PCDHGA12: variants seen among roughly 807,000 people sequenced by gnomAD.
The protein encoded by PCDHGA12 is protocadherin gamma-A12.
Under a neutral mutation model 61.1 loss-of-function variants are expected in PCDHGA12, and 43 were observed. That is an observed-to-expected ratio of 0.70 (90% CI 0.55 to 0.91). PCDHGA12 has a LOEUF of 0.91. Ranked by LOEUF, PCDHGA12 falls within the 40% of genes least tolerant of loss-of-function variation. PCDHGA12 has a pLI of 0.00. For synonymous variants in PCDHGA12, 520 were observed against 542.9 expected, an observed-to-expected ratio of 0.96 and a Z score of 0.59; for missense variants, 1,236 against 1,227.7, an observed-to-expected ratio of 1.01 and a Z score of -0.10.
Position 141,476,610 on chromosome 5 carries a change from G to A in PCDHGA12, c.2425-18197G>A, listed in dbSNP as rs769858609. ...GAGAGCGCGCACGATCCCGATGTGGGAAGCAACTCTTTACAAACCTATGAG... is the reference window on the plus strand; with the variant it reads ...GAGAGCGCGCACGATCCCGATGTGGAAAGCAACTCTTTACAAACCTATGAG... On this transcript the variant is annotated intron_variant, in intron 1 of 3. Coordinates refer to ENST00000252085, the MANE Select transcript of PCDHGA12 (RefSeq NM_003735.3). The surrounding 1 kb of genome is among the most constrained non-coding windows in gnomAD (Gnocchi z 7.6). The A allele has an allele frequency of 1.2e-6, 2 of 1,614,262 alleles. No homozygotes were observed. The highest frequency in any genetic ancestry group is 3.3e-5 in the Admixed American group (2 of 60,036).
At chr5:141,510,862 C>T (rs764422869) in intron 3 of PCDHGA12, 85 bp from the exon 4 acceptor site, 22 of 1,606,772 alleles carry the variant, frequency 1.4e-5, no homozygotes, top group Non-Finnish European at 1.7e-5. Flanking sequence ...GCTGTATAGG[C>T]ATTCATTAAC....
intron 1 of PCDHGA12, among the ~76,000 whole-genome samples, chr5:141,458,065 G>A (rs55848374): frequency 0.098 from 14,910 of 152,232 alleles, 965 homozygotes; most frequent in Non-Finnish European, 0.14. Flanking sequence ...GCACTGATGC[G>A]AACAACTATA....
At chr5:141,494,999 G>T in intron 2 of PCDHGA12, 134 bp downstream of exon 2, 1 of 1,531,046 alleles carries the variant, frequency 6.5e-7, no homozygotes, top group Non-Finnish European at 8.8e-7. Context: ...GGGAGGTCTT[G>T]GTGTGCGGGG....
At chr5:141,494,680 C>A in intron 1 of PCDHGA12, 127 bp from the exon 2 acceptor site, 1 of 1,560,094 alleles carries the variant, frequency 6.4e-7, no homozygotes, top group Non-Finnish European at 8.7e-7. Flanking sequence ...CCACCCCTGC[C>A]CCCTCTTAGT....
chr5:141,474,772 G>A (rs1053853138), intron 1 of PCDHGA12, among the ~76,000 whole-genome samples: 2 of 152,182 alleles, frequency 1.3e-5, no homozygotes, highest in Non-Finnish European at 2.9e-5. Flanking sequence ...AATAGTATGA[G>A]GCTCTAACAC....
chr5:141,482,890 G>C (rs577635020), intron 1 of PCDHGA12, among the ~76,000 whole-genome samples: 10 of 152,274 alleles, frequency 6.6e-5, no homozygotes, highest in African/African-American at 2.4e-4. Flanking sequence ...TGGCCAACAT[G>C]GTGAAACCTC....
intron 1 of PCDHGA12, among the ~76,000 whole-genome samples, chr5:141,442,910 C>G (rs1419319938): frequency 6.6e-6 from 1 of 152,196 alleles, no homozygotes; most frequent in African/African-American, 2.4e-5. Flanking sequence ...TCCTTCAGCA[C>G]ACAACTGTTT....
chr5:141,444,594 T>C (rs2098442338), intron 1 of PCDHGA12, among the ~76,000 whole-genome samples: 1 of 152,244 alleles, frequency 6.6e-6, no homozygotes, highest in South Asian at 2.1e-4. Flanking sequence ...ACTTACCTTA[T>C]TTAAAATTGA....
At chr5:141,470,037 G>C (rs76537989) in intron 1 of PCDHGA12, among the ~76,000 whole-genome samples, 14 of 152,138 alleles carry the variant, frequency 9.2e-5, no homozygotes, top group Non-Finnish European at 1.5e-4. Flanking sequence ...GCTGAGGCGC[G>C]AGAACTGTTT....
chr5:141,489,459 C>T lies in PCDHGA12; in HGVS notation c.2425-5348C>T. The T allele has an allele frequency of 6.2e-7, 1 of 1,614,086 alleles. No homozygotes were observed. The highest frequency in any genetic ancestry group is 8.5e-7 in the Non-Finnish European group (1 of 1,180,012). On this transcript the variant is annotated intron_variant, in intron 1 of 3. Coordinates refer to ENST00000252085, the MANE Select transcript of PCDHGA12 (RefSeq NM_003735.3). The surrounding 1 kb of genome is among the most constrained non-coding windows in gnomAD (Gnocchi z 4.5). The stretch of plus-strand genomic sequence containing the variant: ...AATTGGGCTCTGAGGAGAATGGGCG[C>T]TATTTTTCCCTGAGCTTGATGAGTG...
chr5:141,492,460 G>T (rs2099740851), intron 1 of PCDHGA12, among the ~76,000 whole-genome samples: 1 of 152,218 alleles, frequency 6.6e-6, no homozygotes, highest in African/African-American at 2.4e-5. Flanking sequence ...GCGCGCCTGA[G>T]GGTCCCAGAT....
At chr5:141,453,517 C>T (rs1001603927) in intron 1 of PCDHGA12, among the ~76,000 whole-genome samples, 1 of 152,062 alleles carries the variant, frequency 6.6e-6, no homozygotes, top group African/African-American at 2.4e-5. Context: ...TCATTCCTCC[C>T]CTATACCTTC....
In PCDHGA12 at chr5:141,432,725, G is replaced by T; in HGVS notation, c.1966G>T (p.Ala656Ser). The T allele has an allele frequency of 6.2e-7, 1 of 1,614,014 alleles. No individual in the cohort carries two copies. Residue 656 changes from alanine (A) to serine (S), a missense_variant, in exon 1 of 4, where the codon GCC (alanine) becomes TCC (serine). Physicochemically the swap from Ala to Ser is moderately conservative, Grantham distance 99. Coordinates refer to ENST00000252085, the MANE Select transcript of PCDHGA12 (RefSeq NM_003735.3). The surrounding 1 kb of genome is among the most constrained non-coding windows in gnomAD (Gnocchi z 6.0). ...GGACCACGGCCAGCCCCCTCTCTCC[G>T]CCACTGTCACGCTCACCGTGGCCGT... ...VQDHGQPPLS[A>S]TVTLTVAVAD...
chr5:141,511,293 G>A lies in PCDHGA12; in HGVS notation c.*120G>A, dbSNP rs1028501355. On this transcript the variant is annotated 3_prime_UTR_variant, in exon 4 of 4. Coordinates refer to ENST00000252085, the MANE Select transcript of PCDHGA12 (RefSeq NM_003735.3). ...CCCCAGAATACTGGTAGGGGCCAAG[G>A]CCATGCTCCCCTTGGGAAACAGAAA... The A allele has an allele frequency of 3.3e-6, 5 of 1,509,316 alleles. No individual in the cohort carries two copies. In the African/African-American group the frequency reaches 5.6e-5, roughly 17 times the overall value. The allele number at this position is 1,509,316 out of a possible 1,614,324, so 93.5% of individuals were successfully genotyped here.
chr5:141,457,429 C>A (rs73280316), intron 1 of PCDHGA12, among the ~76,000 whole-genome samples: 7 of 152,178 alleles, frequency 4.6e-5, no homozygotes, highest in Non-Finnish European at 7.4e-5. Flanking sequence ...TTTTCCCCCC[C>A]ACCAAGCTGC....
chr5:141,492,501 G>A (rs551410616), intron 1 of PCDHGA12, among the ~76,000 whole-genome samples: 8 of 152,302 alleles, frequency 5.3e-5, no homozygotes, highest in East Asian at 1.9e-4. Flanking sequence ...CGAGGACTCC[G>A]GAGCCTCCTC....
chr5:141,485,421 C>G lies in PCDHGA12; in HGVS notation c.2425-9386C>G. The G allele has an allele frequency of 6.2e-7, 1 of 1,614,112 alleles. No individual in the cohort carries two copies. The highest frequency in any genetic ancestry group is 1.1e-5 in the South Asian group (1 of 91,080). ...TTCCGTGTGGATTTGGACAGCGGAG[C>G]CCTGCTCATCAAGAACCCAATCGAC... On this transcript the variant is annotated intron_variant, in intron 1 of 3. Transcript: ENST00000252085. This position sits in a 1 kb window ranked among gnomAD's most constrained non-coding sequence, Gnocchi z 5.7.
Position 141,490,311 on chromosome 5 carries a change from C to T in PCDHGA12, c.2425-4496C>T. 6.2e-7 allele frequency: 1 copy of T among 1,614,200 alleles called. No individual in the cohort carries two copies. The highest frequency in any genetic ancestry group is 8.5e-7 in the Non-Finnish European group (1 of 1,180,018). On this transcript the variant is annotated intron_variant, in intron 1 of 3. Coordinates refer to ENST00000252085, the MANE Select transcript of PCDHGA12 (RefSeq NM_003735.3). This position sits in a 1 kb window ranked among gnomAD's most constrained non-coding sequence, Gnocchi z 5.4. ...AGGTGCTATTGGCCTCTTTGGCCAA[C>T]CCTGTCCTAGAGAGCACACCAGTGG...
chr5:141,476,091 G>A lies in PCDHGA12; in HGVS notation c.2425-18716G>A. The A allele has an allele frequency of 2.6e-6, 4 of 1,563,192 alleles. No individual in the cohort carries two copies. The highest frequency in any genetic ancestry group is 3.5e-6 in the Non-Finnish European group (4 of 1,159,278). On this transcript the variant is annotated intron_variant, in intron 1 of 3. Transcript: ENST00000252085. The surrounding 1 kb of genome is among the most constrained non-coding windows in gnomAD (Gnocchi z 7.6). ...AAATCTCAGGGACGATCTGGACCCCGCTGAGAGGAACTGCTTTTGAGTGAG... is the reference window on the plus strand; with the variant it reads ...AAATCTCAGGGACGATCTGGACCCCACTGAGAGGAACTGCTTTTGAGTGAG...
Sources: gnomAD v4.1 joint callset for allele counts (sites outside exome capture counted in the v4.1 genomes callset) on GRCh38, gnomAD v4.1.1 for gene constraint, Gnocchi (gnomAD v3.1) non-coding constraint, MANE v1.5 for transcripts, NCBI Gene and HGNC (gene_info 2026-07-23, HGNC 2026-07-21) for gene names.